Variants in SOX5 observed in about 807,000 individuals in gnomAD.
SOX5 encodes the protein SRY-box transcription factor 5, also known as transcription factor SOX-5.
In SOX5, 9 loss-of-function variants were observed where a neutral mutation model predicts 92.0. That is an observed-to-expected ratio of 0.10 (90% CI 0.06 to 0.17). The LOEUF is 0.17. Among genes scored for constraint, SOX5 ranks in the 10% least tolerant of loss-of-function variants. The pLI, the probability that SOX5 is intolerant of heterozygous loss-of-function variation, is 1.00. For missense variants in SOX5, 642 were observed against 944.5 expected, an observed-to-expected ratio of 0.68 and a Z score of 4.20; for synonymous variants, 344 against 336.3, an observed-to-expected ratio of 1.02 and a Z score of -0.25.
rs1221012836 is a variant in SOX5, at chr12:24,355,282, C to CAATTTT, written c.-174+13280_-174+13281insAAAATT. Among the ~76,000 whole-genome samples the CAATTTT allele has an allele frequency of 2.6e-3, 185 of 71,932 alleles. 7 individuals are homozygous for CAATTTT. Among genetic ancestry groups the CAATTTT allele is most frequent in the Non-Finnish European group, 3.2e-3 (138 of 43,378 alleles). The allele number at this position is 71,932 out of a possible 152,430, so 47.2% of individuals were successfully genotyped here. A position where few individuals can be genotyped will look rare whatever the true frequency, so the allele number is the denominator to read the frequency against. On this transcript the variant is annotated intron_variant, in intron 2 of 4. Transcript: ENST00000446891. ...TTAGCAGGTGTGGTGAGGGGTGCAT[C>CAATTTT]TTTTTTTTTTTTTTTTTTTTTTTTT...
At chr12:23,617,551 A>G (rs1235505882) in intron 8 of SOX5, among the ~76,000 whole-genome samples, 2 of 152,196 alleles carry the variant, frequency 1.3e-5, no homozygotes, top group African/African-American at 4.8e-5. Context: ...TGGATAGAAT[A>G]TGAAGCTATC....
intron 4 of SOX5, among the ~76,000 whole-genome samples, chr12:23,995,473 T>G (rs930028186): frequency 6.6e-6 from 1 of 152,126 alleles, no homozygotes; most frequent in Non-Finnish European, 1.5e-5. Context: ...GGCAGAAGGA[T>G]CACTTGAGGC....
At chr12:23,673,859 T>C (rs2085213282) in intron 6 of SOX5, among the ~76,000 whole-genome samples, 1 of 152,064 alleles carries the variant, frequency 6.6e-6, no homozygotes, top group Admixed American at 6.6e-5. Context: ...CAAACCATTG[T>C]GAATATACCA....
intron 4 of SOX5, among the ~76,000 whole-genome samples, chr12:24,005,407 G>A (rs537471846): frequency 6.6e-6 from 1 of 152,202 alleles, no homozygotes; most frequent in African/African-American, 2.4e-5. Context: ...TAAAAATGCA[G>A]TCCTTTTGTT....
intron 3 of SOX5, among the ~76,000 whole-genome samples, chr12:23,826,505 A>G (rs1395052168): frequency 1.3e-5 from 2 of 152,184 alleles, no homozygotes; most frequent in Non-Finnish European, 2.9e-5. Context: ...TTACTTGGAT[A>G]TGGATGCTTT....
At chr12:23,777,818 TC>T (rs1321972727) in intron 3 of SOX5, among the ~76,000 whole-genome samples, 2 of 152,172 alleles carry the variant, frequency 1.3e-5, no homozygotes, top group Non-Finnish European at 2.9e-5. Context: ...TTATCTTCCA[TC>T]ACCTTCAACG....
chr12:23,534,673 G>T, intron 14 of SOX5, 151 bp from the exon 15 acceptor site: 5 of 557,844 alleles, frequency 9.0e-6, no homozygotes, highest in Non-Finnish European at 1.2e-5. Context: ...CATCCTACTT[G>T]AACTTTAATA....
At chr12:23,729,136 G>A (rs1040020608) in intron 6 of SOX5, among the ~76,000 whole-genome samples, 3 of 151,630 alleles carry the variant, frequency 2.0e-5, no homozygotes, top group Non-Finnish European at 4.4e-5. Context: ...AATGACTTTG[G>A]CAAAAATGTT....
intron 1 of SOX5, among the ~76,000 whole-genome samples, chr12:24,512,858 C>G (rs1455509167): frequency 6.6e-6 from 1 of 152,158 alleles, no homozygotes; most frequent in East Asian, 1.9e-4. Context: ...TTTGTGTTAA[C>G]TTGATAGAAA....
intron 2 of SOX5, among the ~76,000 whole-genome samples, chr12:24,319,033 G>A (rs79803886): frequency 0.065 from 9,823 of 152,210 alleles, 367 homozygotes; most frequent in Non-Finnish European, 0.079. Context: ...GCCTCCACCT[G>A]TGTGTCTTCT....
chr12:24,309,386 G>A (rs145767647), intron 2 of SOX5, among the ~76,000 whole-genome samples: 8 of 152,142 alleles, frequency 5.3e-5, no homozygotes, highest in Admixed American at 3.3e-4. Context: ...CACTTTTCAC[G>A]AAAAATGCTG....
intron 2 of SOX5, among the ~76,000 whole-genome samples, chr12:24,363,720 A>C (rs1955853948): frequency 6.6e-6 from 1 of 151,958 alleles, no homozygotes; most frequent in South Asian, 2.1e-4. Context: ...GCACATGAAA[A>C]AAAAAAAAAG....
intron 4 of SOX5, among the ~76,000 whole-genome samples, chr12:23,977,177 A>T (rs1399391128): frequency 6.6e-6 from 1 of 152,184 alleles, no homozygotes; most frequent in Non-Finnish European, 1.5e-5. Flanking sequence ...CTCAAGATTA[A>T]TTTCTTTCAA....
chr12:24,448,635 C>T (rs1212706392), intron 1 of SOX5, among the ~76,000 whole-genome samples: 1 of 152,156 alleles, frequency 6.6e-6, no homozygotes, highest in Admixed American at 6.5e-5. Flanking sequence ...TCCTGTTGCA[C>T]TATGGTATTT....
intron 3 of SOX5, among the ~76,000 whole-genome samples, chr12:23,764,775 A>T (rs963785514): frequency 6.6e-6 from 1 of 152,122 alleles, no homozygotes; most frequent in Non-Finnish European, 1.5e-5. Flanking sequence ...ACCATTTAAC[A>T]TACATTAGAA....
chr12:23,978,291 A>T (rs1165457176), intron 4 of SOX5, among the ~76,000 whole-genome samples: 1 of 152,196 alleles, frequency 6.6e-6, no homozygotes, highest in African/African-American at 2.4e-5. Context: ...TCTTAAATTT[A>T]AAAAATGAGT....
chr12:24,248,598 T>G (rs1164295125), intron 3 of SOX5, among the ~76,000 whole-genome samples: 7 of 152,182 alleles, frequency 4.6e-5, no homozygotes, highest in Non-Finnish European at 1.0e-4. Context: ...TTGGCCAGGC[T>G]GGTCTCTAAA....
chr12:23,743,140 A>T (rs1567399029), intron 4 of SOX5, among the ~76,000 whole-genome samples: 1 of 152,168 alleles, frequency 6.6e-6, no homozygotes, highest in Non-Finnish European at 1.5e-5. Flanking sequence ...GATCTAGTTT[A>T]TGATATAAAG....
chr12:24,171,935 T>C (rs867044201), intron 4 of SOX5, among the ~76,000 whole-genome samples: 1 of 152,024 alleles, frequency 6.6e-6, no homozygotes, highest in African/African-American at 2.4e-5. Flanking sequence ...GTCTTGAAGT[T>C]AGGGTTAGAG....
Sources: gnomAD v4.1 joint callset for allele counts (sites outside exome capture counted in the v4.1 genomes callset) on GRCh38, gnomAD v4.1.1 for gene constraint, MANE v1.5 for transcripts, NCBI Gene and HGNC (gene_info 2026-07-23, HGNC 2026-07-21) for gene names.